The following UGT1A7 variants were observed in gnomAD, a reference collection of about 807,000 sequenced individuals.
The protein encoded by UGT1A7 is UDP-glucuronosyltransferase 1A7.
Under a neutral mutation model 45.6 loss-of-function variants are expected in UGT1A7, and 33 were observed. That is an observed-to-expected ratio of 0.72 (90% CI 0.55 to 0.97). The LOEUF (loss-of-function observed/expected upper bound fraction) is 0.97. UGT1A7 is among the 50% of genes least tolerant of loss of function. UGT1A7 has a pLI of 0.00. For missense variants in UGT1A7, 684 were observed against 666.2 expected (o/e 1.03, Z -0.29); for synonymous variants, 274 against 250.6 (o/e 1.09, Z -0.88).
At position 233,682,012 on chromosome 2, in the gene UGT1A7, A is replaced by G. The variant is rs772323703; in HGVS notation, c.75A>G (p.Ala25=). ...CLLLTCGFAK[A]GKLLVVPMDG... ...TGCTGACCTGTGGCTTTGCCAAGGC[A>G]GGGAAGCTGCTGGTAGTGCCCATGG... Residue 25 remains alanine (A), a synonymous_variant, in exon 1 of 5, where the codon GCA becomes GCG. Coordinates refer to ENST00000373426, the MANE Select transcript of UGT1A7 (RefSeq NM_019077.3). The G allele has an allele frequency of 1.9e-6, 3 of 1,614,092 alleles. No homozygotes were observed. The highest frequency in any genetic ancestry group is 2.5e-6 in the Non-Finnish European group (3 of 1,180,008).
intron 1 of UGT1A7, among the ~76,000 whole-genome samples, chr2:233,740,284 G>A (rs932768125): frequency 2.0e-5 from 3 of 151,852 alleles, no homozygotes; most frequent in African/African-American, 7.3e-5. Flanking sequence ...ATACTGAAAG[G>A]GTTTAAAGGA....
In UGT1A7 at chr2:233,682,886, C is replaced by A; in HGVS notation, c.855+94C>A. On this transcript the variant is annotated intron_variant, in intron 1 of 4. Transcript: ENST00000373426. ...TCATAATTTATCATTTACATTTGTC[C>A]CATTTGGAATTTCTTTCTGGTTTAA... is the stretch of plus-strand genomic sequence containing the variant. 3 of 1,510,084 alleles carry A rather than the reference C, an allele frequency of 2.0e-6. 1 individual carries two copies. The highest frequency in any genetic ancestry group is 1.8e-4 in the Middle Eastern group (1 of 5,610). 93.5% of individuals were successfully genotyped at this position (1,510,084 alleles called of 1,614,324 possible). A position where few individuals can be genotyped will look rare whatever the true frequency, so the allele number is the denominator to read the frequency against.
chr2:233,692,548 A>G (rs904295361), intron 1 of UGT1A7, among the ~76,000 whole-genome samples: 3 of 152,216 alleles, frequency 2.0e-5, no homozygotes, highest in African/African-American at 7.2e-5. Context: ...TCAGAATGGA[A>G]TTGAATTGTA....
Position 233,760,935 on chromosome 2 carries a change from C to CT in UGT1A7, c.856-6095dup. On this transcript the variant is annotated intron_variant, in intron 1 of 4. Coordinates refer to ENST00000373426, the MANE Select transcript of UGT1A7 (RefSeq NM_019077.3). ...AGCGGGTGAAGAACATGCTCATTGCCTTTTCACAGAACTTTCTGTGCGACG... is the reference window on the plus strand; with the variant it reads ...AGCGGGTGAAGAACATGCTCATTGCCTTTTTCACAGAACTTTCTGTGCGACG... 6.2e-7 allele frequency: 1 copy of CT among 1,614,200 alleles called. No individual in the cohort carries two copies. Among genetic ancestry groups the CT allele is most frequent in the Non-Finnish European group, 8.5e-7 (1 of 1,180,050 alleles).
At chr2:233,755,785 T>A (rs1696021377) in intron 1 of UGT1A7, 1 of 152,588 alleles carries the variant, frequency 6.6e-6, no homozygotes, top group Non-Finnish European at 1.5e-5. Flanking sequence ...ATGCCTATCA[T>A]ATGTACTGCA....
chr2:233,691,891 G>C (rs558208124), intron 1 of UGT1A7: 1 of 154,130 alleles, frequency 6.5e-6, no homozygotes, highest in South Asian at 2.1e-4. Context: ...TTGTTTCCTG[G>C]ACACAGCTCC....
chr2:233,696,338 A>T (rs1470953222), intron 1 of UGT1A7, among the ~76,000 whole-genome samples: 1 of 152,104 alleles, frequency 6.6e-6, no homozygotes, highest in Non-Finnish European at 1.5e-5. Context: ...CCTTATACAG[A>T]TCTTTCACTT....
At chr2:233,729,605 TGCTG>T (rs755451015) in intron 1 of UGT1A7, 6 of 1,614,008 alleles carry the variant, frequency 3.7e-6, no homozygotes, top group South Asian at 1.1e-5. Context: ...TGCGCGGCAG[TGCTG>T]GCTAAGTACC....
chr2:233,722,026 G>T, intron 1 of UGT1A7: 1 of 245,738 alleles, frequency 4.1e-6, no homozygotes, highest in Non-Finnish European at 8.2e-6. Context: ...GAAACCTCTT[G>T]AATTGCATGA....
rs780416991 is a variant in UGT1A7 at position 233,693,499 on chromosome 2, A to G, written c.855+10707A>G. 4 of 1,614,132 alleles carry G rather than the reference A, an allele frequency of 2.5e-6. No individual in the cohort carries two copies. The South Asian group carries it at 4.4e-5, about 18-fold the overall frequency. Reference sequence around the variant, plus strand: ...TGATCCTGGCTGAGTATTTGGGCCTACCATCTGTGTACCTCTTCAGGGGTT... The same window carrying G: ...TGATCCTGGCTGAGTATTTGGGCCTGCCATCTGTGTACCTCTTCAGGGGTT... On this transcript the variant is annotated intron_variant, in intron 1 of 4. Coordinates refer to ENST00000373426, the MANE Select transcript of UGT1A7 (RefSeq NM_019077.3).
At chr2:233,729,252 CA>C (rs761976281) in intron 1 of UGT1A7, 199 of 1,614,124 alleles carry the variant, frequency 1.2e-4, no homozygotes, top group Non-Finnish European at 1.6e-4. Context: ...GCCACTGGCT[CA>C]GCATGCGGGA....
chr2:233,682,329 G>A lies in UGT1A7; in HGVS notation c.392G>A (p.Arg131Gln), dbSNP rs17868324. ...FSNCRSLFND[R>Q]KLVEYLKESC... ...AATTGCAGGAGTTTGTTTAATGACC[G>A]AAAATTAGTAGAATACTTAAAGGAG... Residue 131 changes from arginine (R) to glutamine (Q), a missense_variant, in exon 1 of 5, where the codon CGA (arginine) becomes CAA (glutamine). Arg to Gln is a conservative substitution (Grantham distance 43, BLOSUM62 1). Transcript: ENST00000373426. 0.62 allele frequency: 1,002,373 copies of A among 1,612,762 alleles called. 314,239 individuals carry two copies. Among genetic ancestry groups the A allele is most frequent in the South Asian group, 0.65 (59,099 of 91,046 alleles).
chr2:233,748,199 G>T (rs1164871167), intron 1 of UGT1A7: 1 of 1,533,212 alleles, frequency 6.5e-7, no homozygotes. Context: ...TCTGCTTGTC[G>T]TAATAGCCTT....
At chr2:233,755,293 G>C in intron 1 of UGT1A7, 7 of 641,420 alleles carry the variant, frequency 1.1e-5, no homozygotes, top group Non-Finnish European at 1.7e-5. Context: ...AGAGCCTGCG[G>C]GGCACTGGCA....
intron 1 of UGT1A7, among the ~76,000 whole-genome samples, chr2:233,746,316 G>A (rs1048806578): frequency 1.3e-5 from 2 of 151,828 alleles, no homozygotes; most frequent in Non-Finnish European, 2.9e-5. Flanking sequence ...GGGCCCTGTA[G>A]ATGATCTACA....
intron 1 of UGT1A7, among the ~76,000 whole-genome samples, chr2:233,737,675 A>G (rs527390262): frequency 2.6e-4 from 40 of 152,110 alleles, no homozygotes; most frequent in Middle Eastern, 6.8e-3. Flanking sequence ...AGCTGTTCCT[A>G]TTTGGCCATT....
At chr2:233,696,562 G>A (rs577212454) in intron 1 of UGT1A7, among the ~76,000 whole-genome samples, 1 of 152,212 alleles carries the variant, frequency 6.6e-6, no homozygotes, top group Admixed American at 6.5e-5. Flanking sequence ...TATGTCATCT[G>A]AGAACAAGAA....
rs148565852 is a variant in UGT1A7, at chr2:233,719,296, C to T, written c.855+36504C>T. 4.0e-5 allele frequency: 64 copies of T among 1,613,940 alleles called. 1 individual carries two copies. The Admixed American group carries it at 4.5e-4, about 11-fold the overall frequency. ...ACAGACCCCGTTAACCTCTGTGGGG[C>T]GGTGCTGGCTAAGTACCTGTCGATT... On this transcript the variant is annotated intron_variant, in intron 1 of 4. Coordinates refer to ENST00000373426, the MANE Select transcript of UGT1A7 (RefSeq NM_019077.3).
At chr2:233,735,445 G>C (rs1440470115) in intron 1 of UGT1A7, among the ~76,000 whole-genome samples, 1 of 152,036 alleles carries the variant, frequency 6.6e-6, no homozygotes, top group Non-Finnish European at 1.5e-5. Flanking sequence ...GCATACCGAT[G>C]GGCCTTGACT....
Sources: allele counts gnomAD v4.1 joint callset (sites outside exome capture counted in the v4.1 genomes callset), GRCh38; gene constraint gnomAD v4.1.1; transcripts MANE v1.5; gene names NCBI Gene and HGNC (gene_info 2026-07-23, HGNC 2026-07-21).